Variants in MGLL observed in about 807,000 individuals in gnomAD.
MGLL encodes monoglyceride lipase.
Under a neutral mutation model 29.1 loss-of-function variants are expected in MGLL, and 7 were observed. The observed-to-expected ratio is 0.24, with a 90% confidence interval of 0.14 to 0.45. The LOEUF (loss-of-function observed/expected upper bound fraction) is 0.45, where lower values mean the gene tolerates loss of function less well. Ranked by LOEUF, MGLL falls within the 20% of genes least tolerant of loss-of-function variation. The pLI is 0.99. For missense variants in MGLL, 356 were observed against 413.6 expected (o/e 0.86, Z 1.21); for synonymous variants, 148 against 168.3 (o/e 0.88, Z 0.93).
intron 6 of MGLL, among the ~76,000 whole-genome samples, chr3:127,703,603 C>G (rs1166660207): frequency 6.6e-6 from 1 of 152,024 alleles, no homozygotes; most frequent in Non-Finnish European, 1.5e-5. Flanking sequence ...ATGGTTCAGC[C>G]AAAACAAGGT....
At chr3:127,754,157 G>C (rs928585297) in intron 3 of MGLL, among the ~76,000 whole-genome samples, 1 of 152,182 alleles carries the variant, frequency 6.6e-6, no homozygotes, top group African/African-American at 2.4e-5. Context: ...TCACTCTCCA[G>C]CTTCCTCCTT....
In MGLL at chr3:127,804,579, C is replaced by T. The variant is rs2077533782; in HGVS notation, c.155+17115G>A. 2.0e-5 allele frequency among the ~76,000 whole-genome samples: 3 copies of T among 152,226 alleles called. 1 individual carries two copies. In the South Asian group the frequency reaches 6.2e-4, roughly 32 times the overall value. ...TTTCCAACTCCTCAGAGTCTGTGCACATCAACGTTAATTGTCCTGGAGTGG... is the reference window on the plus strand; with the variant it reads ...TTTCCAACTCCTCAGAGTCTGTGCATATCAACGTTAATTGTCCTGGAGTGG... On this transcript the variant is annotated intron_variant, in intron 2 of 7. Transcript: ENST00000265052.
intron 4 of MGLL, 37 bp downstream of exon 4, chr3:127,722,393 G>A (rs1423911248): frequency 1.2e-6 from 2 of 1,613,774 alleles, no homozygotes; most frequent in Non-Finnish European, 1.7e-6. Flanking sequence ...CTGGAAGCCA[G>A]GGTGGATTTA....
At chr3:127,700,152 T>G (rs548631401) in intron 6 of MGLL, among the ~76,000 whole-genome samples, 1 of 152,168 alleles carries the variant, frequency 6.6e-6, no homozygotes, top group African/African-American at 2.4e-5. Flanking sequence ...TCTGGCATAA[T>G]AGAGAAAGAG....
chr3:127,726,777 G>A (rs1194672406), intron 3 of MGLL, among the ~76,000 whole-genome samples: 1 of 151,962 alleles, frequency 6.6e-6, no homozygotes, highest in Admixed American at 6.6e-5. Flanking sequence ...TGAAGTTGAA[G>A]GTATTTCTGA....
At chr3:127,715,574 G>C (rs184864237) in intron 5 of MGLL, 1 of 420,522 alleles carries the variant, frequency 2.4e-6, no homozygotes, top group South Asian at 1.7e-5. Flanking sequence ...GATTTCATGA[G>C]CCTAATCTCT....
At chr3:127,822,277 C>T (rs2077875579) in intron 1 of MGLL, 32 bp downstream of exon 1, 1 of 1,601,406 alleles carries the variant, frequency 6.2e-7, no homozygotes. Flanking sequence ...GATTATTCCT[C>T]CCATCTGAAA....
intron 6 of MGLL, among the ~76,000 whole-genome samples, chr3:127,706,443 C>T (rs1559911300): frequency 6.6e-6 from 1 of 152,202 alleles, no homozygotes; most frequent in Non-Finnish European, 1.5e-5. Flanking sequence ...CCAGGATCTG[C>T]CTGTCATGAG....
At chr3:127,793,168 G>A (rs574374338) in intron 2 of MGLL, among the ~76,000 whole-genome samples, 2 of 152,266 alleles carry the variant, frequency 1.3e-5, no homozygotes, top group Non-Finnish European at 2.9e-5. Context: ...AGTCGACCAG[G>A]CACGTGGCAG....
chr3:127,760,130 G>A (rs1295988282), intron 3 of MGLL, among the ~76,000 whole-genome samples: 1 of 152,218 alleles, frequency 6.6e-6, no homozygotes, highest in Admixed American at 6.5e-5. Flanking sequence ...GGGAAGGGCA[G>A]AGCCACACAG....
chr3:127,764,479 C>T (rs566930738), intron 3 of MGLL, among the ~76,000 whole-genome samples: 50 of 152,214 alleles, frequency 3.3e-4, no homozygotes, highest in African/African-American at 1.2e-3. Context: ...AGGAGAGGCC[C>T]GGGCCACAGT....
chr3:127,777,406 G>A (rs1458240418), intron 3 of MGLL, among the ~76,000 whole-genome samples: 2 of 152,208 alleles, frequency 1.3e-5, no homozygotes, highest in African/African-American at 2.4e-5. Context: ...CTGTTGTTTG[G>A]GTCAGTAGTT....
At position 127,697,062 on chromosome 3, in the gene MGLL, G is replaced by C. The variant is rs35924738; in HGVS notation, c.601-1872C>G. 3.9e-5 allele frequency among the ~76,000 whole-genome samples: 6 copies of C among 152,238 alleles called. 1 individual carries two copies. The highest frequency in any genetic ancestry group is 1.4e-4 in the African/African-American group (6 of 41,462). ...CCAGACCATTTGTGTAAATCCACACGAGACAGATTAGCCACTTCCTGCAGC... is the reference window on the plus strand; with the variant it reads ...CCAGACCATTTGTGTAAATCCACACCAGACAGATTAGCCACTTCCTGCAGC... On this transcript the variant is annotated intron_variant, in intron 6 of 7. Coordinates refer to ENST00000265052, the MANE Select transcript of MGLL (RefSeq NM_007283.7).
chr3:127,800,560 T>G (rs1008751821), intron 2 of MGLL, among the ~76,000 whole-genome samples: 1 of 152,242 alleles, frequency 6.6e-6, no homozygotes, highest in Admixed American at 6.5e-5. Context: ...TTATGGCTAC[T>G]GTTATAATCA....
chr3:127,759,782 T>C lies in MGLL; in HGVS notation c.262+22007A>G, dbSNP rs1026202683. On this transcript the variant is annotated intron_variant, in intron 3 of 7. Coordinates refer to ENST00000265052, the MANE Select transcript of MGLL (RefSeq NM_007283.7). ...TTCTCCCTCACTCAACACAGGGTCC[T>C]TGGAATCGGTCCCTTTGGCCTTCAG... is the stretch of plus-strand genomic sequence containing the variant. 3.9e-5 allele frequency among the ~76,000 whole-genome samples: 6 copies of C among 152,360 alleles called. No individual in the cohort carries two copies. In the East Asian group the frequency reaches 1.2e-3, roughly 29 times the overall value.
intron 2 of MGLL, among the ~76,000 whole-genome samples, chr3:127,794,314 A>G (rs1038913080): frequency 6.6e-6 from 1 of 152,024 alleles, no homozygotes; most frequent in African/African-American, 2.4e-5. Flanking sequence ...GCATGGTGGC[A>G]TGCTCCTGTA....
At position 127,692,034 on chromosome 3, in the gene MGLL, G is replaced by A. The variant is rs2075255262; in HGVS notation, c.*164C>T. 1 of 949,988 alleles carries A rather than the reference G, an allele frequency of 1.1e-6. No individual in the cohort carries two copies. The highest frequency in any genetic ancestry group is 1.7e-5 in the South Asian group (1 of 58,932). The allele number at this position is 949,988 out of a possible 1,614,324, so 58.8% of individuals were successfully genotyped here. ...TAGGTCCAGTGTCTGATAGTCTAAT[G>A]TATAACAAAAATGTCTGTTATTTTT... On this transcript the variant is annotated 3_prime_UTR_variant, in exon 8 of 8. Transcript: ENST00000265052.
At chr3:127,817,612 C>T (rs990352204) in intron 2 of MGLL, among the ~76,000 whole-genome samples, 1 of 152,328 alleles carries the variant, frequency 6.6e-6, no homozygotes, top group Non-Finnish European at 1.5e-5. Flanking sequence ...CAGAGTTGTA[C>T]AATCATATAA....
At chr3:127,811,569 C>A (rs2077663230) in intron 2 of MGLL, among the ~76,000 whole-genome samples, 1 of 152,244 alleles carries the variant, frequency 6.6e-6, no homozygotes. Context: ...CATCCTTGCT[C>A]CTTGGACATG....
Sources: allele counts gnomAD v4.1 joint callset (sites outside exome capture counted in the v4.1 genomes callset), GRCh38; gene constraint gnomAD v4.1.1; transcripts MANE v1.5; gene names NCBI Gene and HGNC (gene_info 2026-07-23, HGNC 2026-07-21).